SCLT1: variants seen among roughly 807,000 people sequenced by gnomAD.
SCLT1 encodes sodium channel-associated protein 1.
SCLT1 carries 78 observed loss-of-function variants against 112.8 expected under a neutral mutation model. The observed-to-expected ratio is 0.69, with a 90% CI of 0.58 to 0.83. SCLT1 has a LOEUF of 0.83. SCLT1 is among the 40% of genes least tolerant of loss of function. The pLI, the probability that SCLT1 is intolerant of heterozygous loss-of-function variation, is 0.00. For missense variants in SCLT1, 747 were observed against 770.4 expected (o/e 0.97, Z 0.36); for synonymous variants, 257 against 254.7 (o/e 1.01, Z -0.09).
chr4:128,999,060 T>C (rs1159126064), intron 7 of SCLT1, among the ~76,000 whole-genome samples: 1 of 151,972 alleles, frequency 6.6e-6, no homozygotes, highest in Non-Finnish European at 1.5e-5. Context: ...AGATAATGAG[T>C]TCTTGTCAAT....
intron 5 of SCLT1, among the ~76,000 whole-genome samples, chr4:129,007,120 T>G (rs1233523460): frequency 6.6e-6 from 1 of 152,192 alleles, no homozygotes; most frequent in African/African-American, 2.4e-5. Context: ...ATAATCTGAA[T>G]AATTTCAATC....
At chr4:129,009,346 CTAAA>C in intron 5 of SCLT1, among the ~76,000 whole-genome samples, 1 of 151,550 alleles carries the variant, frequency 6.6e-6, no homozygotes. Flanking sequence ...CCCATCTCTA[CTAAA>C]TAAATAAAAA....
At chr4:128,923,651 A>G (rs1197369711) in intron 18 of SCLT1, among the ~76,000 whole-genome samples, 1 of 151,174 alleles carries the variant, frequency 6.6e-6, no homozygotes, top group Non-Finnish European at 1.5e-5. Context: ...TTTTTTTTCA[A>G]TCTCCTTTTT....
chr4:128,880,877 C>T (rs7675917), downstream of SCLT1, among the ~76,000 whole-genome samples: 14 of 152,004 alleles, frequency 9.2e-5, no homozygotes, highest in East Asian at 3.9e-4. Flanking sequence ...AGTTTGAAGC[C>T]GTATCTATTC....
chr4:128,894,348 G>A (rs1733563395), intron 18 of SCLT1, among the ~76,000 whole-genome samples: 1 of 147,626 alleles, frequency 6.8e-6, no homozygotes, highest in Non-Finnish European at 1.5e-5. Context: ...AATAATGAAA[G>A]TTCATTGAGT....
intron 11 of SCLT1, among the ~76,000 whole-genome samples, chr4:128,960,168 CTTTT>C (rs1739560624): frequency 1.3e-5 from 2 of 152,092 alleles, no homozygotes; most frequent in Non-Finnish European, 1.5e-5. Context: ...GGTCTTTTCT[CTTTT>C]CTCTCCTTTC....
intron 9 of SCLT1, 174 bp from the exon 10 acceptor site, chr4:128,970,642 A>G (rs1740613905): frequency 1.8e-6 from 1 of 556,592 alleles, no homozygotes; most frequent in Admixed American, 3.2e-5. Flanking sequence ...TGTAGAAGAT[A>G]TTAAAGAGGA....
chr4:129,085,852 T>C (rs918153072), intron 1 of SCLT1, among the ~76,000 whole-genome samples: 1 of 151,880 alleles, frequency 6.6e-6, no homozygotes, highest in Non-Finnish European at 1.5e-5. Context: ...CGGTGGCCTA[T>C]TGGAGGGTGA....
chr4:129,061,633 A>G (rs1561035890), intron 2 of SCLT1, among the ~76,000 whole-genome samples: 1 of 152,070 alleles, frequency 6.6e-6, no homozygotes, highest in Non-Finnish European at 1.5e-5. Context: ...GAGACAGGGT[A>G]CCACTTTGGG....
chr4:129,038,458 C>A (rs1310252907), intron 5 of SCLT1, among the ~76,000 whole-genome samples: 1 of 152,002 alleles, frequency 6.6e-6, no homozygotes, highest in Non-Finnish European at 1.5e-5. Context: ...CGTTTTTATA[C>A]AGTCTTTAAA....
Position 128,957,002 on chromosome 4 carries a change from T to G in SCLT1, c.1146+24A>C, listed in dbSNP as rs112502865. Reference sequence around the variant, plus strand: ...TTAGTTGTGACTTAAATTCTGAATTTTAAATATAATTAAAAATCCTTACTT... The same window carrying G: ...TTAGTTGTGACTTAAATTCTGAATTGTAAATATAATTAAAAATCCTTACTT... On this transcript the variant is annotated intron_variant, in intron 13 of 20. Coordinates refer to ENST00000281142, the MANE Select transcript of SCLT1 (RefSeq NM_144643.4). 40 of 1,313,868 alleles carry G rather than the reference T, an allele frequency of 3.0e-5. No individual in the cohort carries two copies. In the African/African-American group the frequency reaches 3.4e-4, roughly 11 times the overall value. The allele number at this position is 1,313,868 out of a possible 1,614,324, so 81.4% of individuals were successfully genotyped here.
At chr4:128,953,048 G>A (rs893518245) in intron 13 of SCLT1, among the ~76,000 whole-genome samples, 13 of 152,032 alleles carry the variant, frequency 8.6e-5, no homozygotes, top group South Asian at 2.1e-4. Flanking sequence ...CAAAAGGACC[G>A]TGGTTGTCAA....
Position 128,888,685 on chromosome 4 carries a change from G to C in SCLT1, c.1998C>G (p.Ser666=), listed in dbSNP as rs1733079157. Residue 666 remains serine, a synonymous_variant, in exon 20 of 21, where the codon TCC becomes TCG. Transcript: ENST00000281142. ...SQAEERAASA[S]QQLSVITVQR... The stretch of plus-strand genomic sequence containing the variant: ...ATAAGAGGATGCTCCCTACCTGCTG[G>C]GAAGCTGAAGCAGCTCTCTCTTCTG... 6.2e-7 allele frequency: 1 copy of C among 1,603,826 alleles called. No individual in the cohort carries two copies. Among genetic ancestry groups the C allele is most frequent in the Non-Finnish European group, 8.5e-7 (1 of 1,171,786 alleles).
intron 5 of SCLT1, among the ~76,000 whole-genome samples, chr4:129,008,734 G>A (rs1744249151): frequency 6.6e-6 from 1 of 152,052 alleles, no homozygotes; most frequent in African/African-American, 2.4e-5. Flanking sequence ...GTGTCACTGA[G>A]GTTTGTTGTA....
intron 18 of SCLT1, among the ~76,000 whole-genome samples, chr4:128,900,888 G>T (rs1052568071): frequency 7.2e-5 from 11 of 152,076 alleles, no homozygotes; most frequent in African/African-American, 2.7e-4. Context: ...CTTCTCAAAA[G>T]AAGACATTTA....
At chr4:128,911,718 A>G (rs1315892905) in intron 18 of SCLT1, among the ~76,000 whole-genome samples, 5 of 152,232 alleles carry the variant, frequency 3.3e-5, no homozygotes. Flanking sequence ...AGAAGTTTCC[A>G]CGGGGAATAA....
intron 18 of SCLT1, among the ~76,000 whole-genome samples, chr4:128,894,719 C>G (rs1733604776): frequency 6.6e-6 from 1 of 151,966 alleles, no homozygotes; most frequent in African/African-American, 2.4e-5. Context: ...CACTGTGTCT[C>G]CCCGGCTTGA....
At chr4:129,076,269 G>A (rs904205809) in intron 2 of SCLT1, among the ~76,000 whole-genome samples, 6 of 152,102 alleles carry the variant, frequency 3.9e-5, no homozygotes, top group South Asian at 2.1e-4. Flanking sequence ...TTCATTGAAT[G>A]AGTATATTAA....
chr4:128,990,415 A>G (rs969640800), intron 9 of SCLT1, among the ~76,000 whole-genome samples: 1 of 152,000 alleles, frequency 6.6e-6, no homozygotes, highest in Non-Finnish European at 1.5e-5. Flanking sequence ...AACTCTAAAG[A>G]AAACCTGGGT....
Sources: allele counts gnomAD v4.1 joint callset (sites outside exome capture counted in the v4.1 genomes callset), GRCh38; gene constraint gnomAD v4.1.1; transcripts MANE v1.5; gene names NCBI Gene and HGNC (gene_info 2026-07-23, HGNC 2026-07-21).